Variants in EVI5 observed in about 807,000 individuals in gnomAD.
EVI5 encodes the protein ecotropic viral integration site 5.
EVI5 carries 73 observed loss-of-function variants against 112.0 expected under a neutral mutation model. That is an observed-to-expected ratio of 0.65 (90% confidence interval 0.54 to 0.79). The LOEUF is 0.79. EVI5 is among the 30% of genes least tolerant of loss of function. The pLI is 0.00. For synonymous variants in EVI5, 305 were observed against 319.9 expected (o/e 0.95, Z 0.50); for missense variants, 900 against 968.8 (o/e 0.93, Z 0.94).
rs897130234 is a variant in EVI5, at chr1:92,509,174, C to T, written c.*4482G>A. On this transcript the variant is annotated 3_prime_UTR_variant, in exon 20 of 20. Coordinates refer to ENST00000684568, the MANE Select transcript of EVI5 (RefSeq NM_001350197.2). ...TATTTTACTTTAAACCTGAATATTACAGTACATTATATAAAAGATAAATGA... is the reference window on the plus strand; with the variant it reads ...TATTTTACTTTAAACCTGAATATTATAGTACATTATATAAAAGATAAATGA... 13 of 152,372 alleles carry T rather than the reference C, an allele frequency of 8.5e-5. No individual in the cohort carries two copies. Among genetic ancestry groups the T allele is most frequent in the African/African-American group, 2.9e-4 (12 of 41,336 alleles). 9.4% of individuals were successfully genotyped at this position (152,372 alleles called of 1,614,324 possible).
rs574234662 is a variant in EVI5, at chr1:92,783,435, G to A, written c.-82+1401C>T. Among the ~76,000 whole-genome samples the A allele has an allele frequency of 7.5e-5, 11 of 147,258 alleles. No individual in the cohort carries two copies. In the East Asian group the frequency reaches 2.0e-3, roughly 27 times the overall value. On this transcript the variant is annotated intron_variant, in intron 1 of 19. Coordinates refer to ENST00000684568, the MANE Select transcript of EVI5 (RefSeq NM_001350197.2). Reference sequence around the variant, plus strand: ...TGTAATCCCAGCTACTCGGGAGGCTGAGGCAGGAGAATATATCCAGCCTAG... The same window carrying A: ...TGTAATCCCAGCTACTCGGGAGGCTAAGGCAGGAGAATATATCCAGCCTAG...
intron 2 of EVI5, among the ~76,000 whole-genome samples, chr1:92,727,577 T>C (rs555089891): frequency 7.2e-5 from 11 of 152,234 alleles, no homozygotes; most frequent in South Asian, 4.1e-4. Flanking sequence ...AACCTACTAA[T>C]TGAGATGAAT....
chr1:92,725,672 G>A (rs1276971845), intron 2 of EVI5, among the ~76,000 whole-genome samples: 17 of 151,740 alleles, frequency 1.1e-4, no homozygotes, highest in African/African-American at 3.1e-4. Context: ...GCAGTGAGCC[G>A]TGGTCACGCC....
chr1:92,614,006 G>A (rs1467410423), intron 16 of EVI5, among the ~76,000 whole-genome samples: 1 of 152,112 alleles, frequency 6.6e-6, no homozygotes, highest in African/African-American at 2.4e-5. Flanking sequence ...TTATGCAAAG[G>A]GAAAACCTAA....
chr1:92,677,262 A>G (rs756674385), intron 9 of EVI5, 44 bp from the exon 10 acceptor site: 4 of 1,092,012 alleles, frequency 3.7e-6, no homozygotes, highest in Non-Finnish European at 5.3e-6. Context: ...GTTTTCATTC[A>G]AAAGTAGTTA....
chr1:92,542,798 G>C (rs1173021001), intron 19 of EVI5, among the ~76,000 whole-genome samples: 2 of 152,184 alleles, frequency 1.3e-5, no homozygotes, highest in Non-Finnish European at 2.9e-5. Flanking sequence ...ATGTACATCT[G>C]CATCAGAGCT....
intron 19 of EVI5, among the ~76,000 whole-genome samples, chr1:92,539,227 A>T (rs911020542): frequency 1.3e-5 from 2 of 152,108 alleles, no homozygotes; most frequent in Non-Finnish European, 2.9e-5. Context: ...TTAGGTGTCA[A>T]ATCACTCAAG....
At chr1:92,687,900 G>A (rs1009381042) in intron 9 of EVI5, among the ~76,000 whole-genome samples, 3 of 152,170 alleles carry the variant, frequency 2.0e-5, no homozygotes, top group Admixed American at 2.0e-4. Flanking sequence ...TGCTGGAGAG[G>A]ATGTGAAGAA....
chr1:92,526,492 A>G (rs1661904783), intron 19 of EVI5, among the ~76,000 whole-genome samples: 1 of 152,246 alleles, frequency 6.6e-6, no homozygotes, highest in African/African-American at 2.4e-5. Flanking sequence ...AAGCAGTTTA[A>G]TGAAGAGCTG....
At chr1:92,679,071 T>C (rs1422283679) in intron 9 of EVI5, among the ~76,000 whole-genome samples, 1 of 152,184 alleles carries the variant, frequency 6.6e-6, no homozygotes, top group Non-Finnish European at 1.5e-5. Flanking sequence ...TGAACATCAC[T>C]GCCTGAGCTC....
At chr1:92,700,312 T>C (rs917109251) in intron 5 of EVI5, among the ~76,000 whole-genome samples, 1 of 152,238 alleles carries the variant, frequency 6.6e-6, no homozygotes, top group African/African-American at 2.4e-5. Context: ...CTAACCATTT[T>C]GATAAAGTAT....
chr1:92,662,672 AG>A, intron 13 of EVI5, 46 bp downstream of exon 13: 1 of 1,111,564 alleles, frequency 9.0e-7, no homozygotes, highest in Non-Finnish European at 1.1e-6. Flanking sequence ...AATGATTGAA[AG>A]GAAGGGGGAT....
intron 1 of EVI5, chr1:92,755,713 G>A (rs1176716590): frequency 1.3e-5 from 2 of 152,204 alleles, no homozygotes; most frequent in Non-Finnish European, 2.9e-5. Flanking sequence ...CCAACTGTCT[G>A]CAGCACCAGT....
At chr1:92,602,974 T>C (rs1329437982) in intron 18 of EVI5, among the ~76,000 whole-genome samples, 3 of 152,146 alleles carry the variant, frequency 2.0e-5, no homozygotes, top group Non-Finnish European at 4.4e-5. Context: ...ACTGAGAATA[T>C]ATAAATAACT....
chr1:92,785,667 C>A (rs1456114605), upstream of EVI5, among the ~76,000 whole-genome samples: 1 of 152,174 alleles, frequency 6.6e-6, no homozygotes, highest in East Asian at 1.9e-4. Flanking sequence ...CCAGCGTCAA[C>A]GAAGACATTC....
At chr1:92,642,816 C>CT (rs34929039) in intron 13 of EVI5, among the ~76,000 whole-genome samples, 140,247 of 152,216 alleles carry the variant, frequency 0.92, 64,697 homozygotes, top group East Asian at 0.97. Context: ...TAAGTACTTC[C>CT]TAGTATGAAG....
At chr1:92,722,436 G>A (rs1674900107) in intron 2 of EVI5, among the ~76,000 whole-genome samples, 1 of 151,634 alleles carries the variant, frequency 6.6e-6, no homozygotes, top group Non-Finnish European at 1.5e-5. Context: ...TTTAGCATTA[G>A]GTATATCTCC....
intron 2 of EVI5, among the ~76,000 whole-genome samples, chr1:92,722,271 A>C (rs930360398): frequency 6.6e-5 from 10 of 152,156 alleles, no homozygotes; most frequent in Middle Eastern, 3.4e-3. Context: ...TATTCCTCTT[A>C]TCTAACTGAT....
rs74683844 is a variant in EVI5, at chr1:92,588,242, T to C, written c.2070+17065A>G. On this transcript the variant is annotated intron_variant, in intron 18 of 19. Coordinates refer to ENST00000684568, the MANE Select transcript of EVI5 (RefSeq NM_001350197.2). ...AATGTCATCTAACTGATCACTCCCA[T>C]GCTCAAAACCCTCCAATGATTTTCC... Among the ~76,000 whole-genome samples, 1,009 of 152,316 alleles carry C rather than the reference T, an allele frequency of 6.6e-3. 2 individuals carry two copies. The highest frequency in any genetic ancestry group is 0.011 in the Non-Finnish European group (723 of 68,012).
Sources: allele counts gnomAD v4.1 joint callset (sites outside exome capture counted in the v4.1 genomes callset), GRCh38; gene constraint gnomAD v4.1.1; transcripts MANE v1.5; gene names NCBI Gene and HGNC (gene_info 2026-07-23, HGNC 2026-07-21).